Variants in CMIP observed in about 807,000 individuals in gnomAD.
The protein encoded by CMIP is c-Maf inducing protein.
CMIP carries 13 observed loss-of-function variants against 97.3 expected under a neutral mutation model. The ratio of observed to expected loss-of-function variants is 0.13; its 90% CI spans 0.09 to 0.21. The LOEUF (loss-of-function observed/expected upper bound fraction) is 0.21. Ranked by LOEUF, CMIP falls within the 10% of genes least tolerant of loss-of-function variation. The probability of loss-of-function intolerance (pLI) is 1.00; values close to 1 mark genes in which losing one functional copy is unlikely to be tolerated. For missense variants in CMIP, 847 were observed against 1,024.9 expected (o/e 0.83, Z 2.37); for synonymous variants, 538 against 436.3 (o/e 1.23, Z -2.91).
At chr16:81,609,159 C>A (rs772773247) in intron 2 of CMIP, among the ~76,000 whole-genome samples, 7 of 152,144 alleles carry the variant, frequency 4.6e-5, no homozygotes, top group Non-Finnish European at 1.0e-4. Flanking sequence ...TTAACCCTGT[C>A]CCCACACCCC....
intron 1 of CMIP, among the ~76,000 whole-genome samples, chr16:81,568,040 T>TGTGTGTG (rs34693777): frequency 1.2e-3 from 33 of 26,464 alleles, no homozygotes; most frequent in South Asian, 8.4e-3. Context: ...TGTGTGTGTG[T>TGTGTGTG]TTTTTTTTTT....
At chr16:81,536,033 G>A (rs1348548997) in intron 1 of CMIP, among the ~76,000 whole-genome samples, 2 of 152,282 alleles carry the variant, frequency 1.3e-5, no homozygotes, top group Admixed American at 1.3e-4. Flanking sequence ...GTGGGCTGAT[G>A]TGATCCCTGT....
chr16:81,516,575 G>A (rs888236452), intron 1 of CMIP, among the ~76,000 whole-genome samples: 33 of 152,304 alleles, frequency 2.2e-4, no homozygotes, highest in African/African-American at 7.5e-4. Flanking sequence ...CGCCGTCAGA[G>A]GAAGCCTTCC....
intron 1 of CMIP, among the ~76,000 whole-genome samples, chr16:81,515,031 C>T (rs1264197127): frequency 1.3e-5 from 2 of 152,224 alleles, no homozygotes; most frequent in African/African-American, 4.8e-5. Context: ...TCATATCCTT[C>T]CCATTTTCCA....
At chr16:81,592,230 A>G (rs1013943094) in intron 1 of CMIP, among the ~76,000 whole-genome samples, 1 of 152,230 alleles carries the variant, frequency 6.6e-6, no homozygotes, top group African/African-American at 2.4e-5. Context: ...GAGAGGATTC[A>G]GAAATGGGAG....
intron 1 of CMIP, among the ~76,000 whole-genome samples, chr16:81,499,870 G>T (rs1035859395): frequency 6.6e-6 from 1 of 152,248 alleles, no homozygotes; most frequent in African/African-American, 2.4e-5. Flanking sequence ...TTGTCAGCCC[G>T]GGCGAGACTC....
intron 2 of CMIP, 45 bp from the exon 3 acceptor site, chr16:81,620,831 G>A (rs575610398): frequency 3.5e-5 from 56 of 1,610,998 alleles, no homozygotes; most frequent in African/African-American, 1.6e-4. Flanking sequence ...CTGAGATGCC[G>A]CAAGCTGATG....
intron 10 of CMIP, among the ~76,000 whole-genome samples, chr16:81,687,916 T>A (rs889212291): frequency 6.6e-6 from 1 of 152,226 alleles, no homozygotes; most frequent in African/African-American, 2.4e-5. Context: ...GTCAGTGAAT[T>A]GCCATACTGC....
rs79637951 is a variant in CMIP, at chr16:81,657,957, C to T, written c.681+141C>T. The T allele has an allele frequency of 8.7e-4, 554 of 640,442 alleles. 3 individuals carry two copies. The highest frequency in any genetic ancestry group is 7.4e-3 in the African/African-American group (398 of 53,966). The allele number at this position is 640,442 out of a possible 1,614,324, so 39.7% of individuals were successfully genotyped here. A position where few individuals can be genotyped will look rare whatever the true frequency, so the allele number is the denominator to read the frequency against. Reference sequence around the variant, plus strand: ...CTCCGTTTTGTCTTTTCTAGCAAGCCGGACGCACCTCCCTCTGCCTTTGCA... The same window carrying T: ...CTCCGTTTTGTCTTTTCTAGCAAGCTGGACGCACCTCCCTCTGCCTTTGCA... On this transcript the variant is annotated intron_variant, in intron 5 of 20. Transcript: ENST00000537098.
chr16:81,641,443 G>A (rs1464132960), intron 3 of CMIP, among the ~76,000 whole-genome samples: 1 of 152,162 alleles, frequency 6.6e-6, no homozygotes, highest in African/African-American at 2.4e-5. Context: ...TGCTCAAACA[G>A]CATCTGCGTG....
intron 1 of CMIP, among the ~76,000 whole-genome samples, chr16:81,586,707 C>G (rs1362866279): frequency 6.6e-6 from 1 of 152,212 alleles, no homozygotes; most frequent in Non-Finnish European, 1.5e-5. Context: ...GTATTCGTCC[C>G]ACTTTCCCTC....
intron 10 of CMIP, among the ~76,000 whole-genome samples, chr16:81,680,914 G>C (rs947754848): frequency 6.6e-6 from 1 of 152,192 alleles, no homozygotes; most frequent in Non-Finnish European, 1.5e-5. Context: ...TAAGCACTAA[G>C]GGTTTGAGTT....
intron 1 of CMIP, among the ~76,000 whole-genome samples, chr16:81,564,671 A>T (rs1378239099): frequency 6.6e-6 from 1 of 152,128 alleles, no homozygotes; most frequent in Non-Finnish European, 1.5e-5. Context: ...GCTGCTCTGG[A>T]TTTTAAACAA....
chr16:81,490,712 G>A (rs1248293752), intron 1 of CMIP, among the ~76,000 whole-genome samples: 1 of 152,166 alleles, frequency 6.6e-6, no homozygotes, highest in Non-Finnish European at 1.5e-5. Flanking sequence ...TGTTTGTGGC[G>A]TGGCCAGTCC....
intron 1 of CMIP, among the ~76,000 whole-genome samples, chr16:81,525,094 C>T (rs2090104901): frequency 6.6e-6 from 1 of 151,682 alleles, no homozygotes; most frequent in East Asian, 1.9e-4. Flanking sequence ...CCATGCCTGG[C>T]CCCTATTTTT....
Position 81,570,082 on chromosome 16 carries a change from A to G in CMIP, c.301-37485A>G, listed in dbSNP as rs138807740. Reference sequence around the variant, plus strand: ...TTTCCCTCTCTCCCTTGGAGTATCAATGGGGGAAGGGGGATGGCCTCACCC... The same window carrying G: ...TTTCCCTCTCTCCCTTGGAGTATCAGTGGGGGAAGGGGGATGGCCTCACCC... On this transcript the variant is annotated intron_variant, in intron 1 of 20. Coordinates refer to ENST00000537098, the MANE Select transcript of CMIP (RefSeq NM_198390.3). Among the ~76,000 whole-genome samples, 551 of 152,120 alleles carry G rather than the reference A, an allele frequency of 3.6e-3. 5 individuals are homozygous for G. Among genetic ancestry groups the G allele is most frequent in the African/African-American group, 0.013 (521 of 41,510 alleles).
intron 5 of CMIP, among the ~76,000 whole-genome samples, chr16:81,660,418 G>A (rs1349913840): frequency 6.6e-6 from 1 of 151,896 alleles, no homozygotes; most frequent in Non-Finnish European, 1.5e-5. Context: ...GATTACAGGG[G>A]CGCACACCAC....
intron 1 of CMIP, among the ~76,000 whole-genome samples, chr16:81,455,432 C>T (rs952535899): frequency 6.6e-6 from 1 of 152,224 alleles, no homozygotes; most frequent in Admixed American, 6.5e-5. Flanking sequence ...TTGGGAGGTC[C>T]GTCCTGTTGG....
At position 81,693,145 on chromosome 16, in the gene CMIP, GT is replaced by G; in HGVS notation, c.1455-8del. ...TCTGTTAACCGCCGTGTTTTCCCCT[GT>G]TTTTGTTGCAGAGCTCTCGCACATG... On this transcript the variant is annotated splice_polypyrimidine_tract_variant and intron_variant, in intron 11 of 20. Coordinates refer to ENST00000537098, the MANE Select transcript of CMIP (RefSeq NM_198390.3). 1 of 1,612,070 alleles carries G rather than the reference GT, an allele frequency of 6.2e-7. No homozygotes were observed. Among genetic ancestry groups the G allele is most frequent in the South Asian group, 1.1e-5 (1 of 90,926 alleles).
Sources: gnomAD v4.1 joint callset for allele counts (sites outside exome capture counted in the v4.1 genomes callset) on GRCh38, gnomAD v4.1.1 for gene constraint, MANE v1.5 for transcripts, NCBI Gene and HGNC (gene_info 2026-07-23, HGNC 2026-07-21) for gene names.